PDE4D: variants seen among roughly 807,000 people sequenced by gnomAD.
PDE4D encodes phosphodiesterase 4D.
In PDE4D, 24 loss-of-function variants were observed where a neutral mutation model predicts 87.4. That is an observed-to-expected ratio of 0.27 (90% confidence interval 0.20 to 0.39). PDE4D has a LOEUF of 0.39. Ranked by LOEUF, PDE4D falls within the 10% of genes least tolerant of loss-of-function variation. The pLI, the probability that PDE4D is intolerant of heterozygous loss-of-function variation, is 1.00. For synonymous variants in PDE4D, 384 were observed against 383.2 expected, an observed-to-expected ratio of 1.00 and a Z score of -0.02; for missense variants, 714 against 1,041.0, an observed-to-expected ratio of 0.69 and a Z score of 4.32.
chr5:59,670,083 G>A (rs1159319962), intron 1 of PDE4D, among the ~76,000 whole-genome samples: 1 of 152,144 alleles, frequency 6.6e-6, no homozygotes, highest in Non-Finnish European at 1.5e-5. Context: ...CAGTGGGAGT[G>A]TTGATAGAAT....
intron 5 of PDE4D, among the ~76,000 whole-genome samples, chr5:59,048,229 G>T (rs1205397858): frequency 1.3e-5 from 2 of 152,150 alleles, no homozygotes; most frequent in African/African-American, 4.8e-5. Context: ...TTGCAAACAG[G>T]TTTAAAAAAA....
chr5:60,416,609 C>T (rs142666223), intron 1 of PDE4D, among the ~76,000 whole-genome samples: 1 of 152,182 alleles, frequency 6.6e-6, no homozygotes, highest in African/African-American at 2.4e-5. Context: ...CCGAACACAT[C>T]CGAACATCAG....
chr5:59,897,754 T>G (rs1751813457), upstream of PDE4D, among the ~76,000 whole-genome samples: 2 of 152,172 alleles, frequency 1.3e-5, no homozygotes, highest in African/African-American at 4.8e-5. Flanking sequence ...CTACTTCATT[T>G]GTAAAGATGG....
At chr5:59,072,370 C>T (rs1166880426) in intron 5 of PDE4D, among the ~76,000 whole-genome samples, 1 of 152,072 alleles carries the variant, frequency 6.6e-6, no homozygotes, top group Non-Finnish European at 1.5e-5. Context: ...ATTTGGCAGC[C>T]TCTATTCTAG....
chr5:59,268,508 G>A (rs2153539664), intron 1 of PDE4D, among the ~76,000 whole-genome samples: 3 of 152,032 alleles, frequency 2.0e-5, no homozygotes, highest in African/African-American at 7.2e-5. Flanking sequence ...CTTCCCATAG[G>A]CACCAATCCC....
At chr5:60,509,598 C>T (rs181678731) in intron 1 of PDE4D, among the ~76,000 whole-genome samples, 1 of 152,230 alleles carries the variant, frequency 6.6e-6, no homozygotes, top group East Asian at 1.9e-4. Context: ...TTTTTTCTCT[C>T]ATTTCATCTT....
intron 2 of PDE4D, among the ~76,000 whole-genome samples, chr5:60,165,647 T>C (rs1408761476): frequency 3.3e-5 from 5 of 151,052 alleles, no homozygotes; most frequent in African/African-American, 1.2e-4. Flanking sequence ...GAACATGAAA[T>C]ATCTTTCTAT....
intron 1 of PDE4D, among the ~76,000 whole-genome samples, chr5:59,272,975 T>A (rs754005954): frequency 1.3e-5 from 2 of 152,080 alleles, no homozygotes; most frequent in African/African-American, 4.8e-5. Context: ...CTTTAGGGAA[T>A]CCCGGAGGAC....
At chr5:59,813,445 T>TAC (rs35313403) in intron 1 of PDE4D, among the ~76,000 whole-genome samples, 11,532 of 143,068 alleles carry the variant, frequency 0.081, 488 homozygotes, top group Non-Finnish European at 0.1. Context: ...CATACACTTG[T>TAC]ACACACACAC....
chr5:59,333,843 T>C (rs1331626367), intron 1 of PDE4D, among the ~76,000 whole-genome samples: 2 of 152,086 alleles, frequency 1.3e-5, no homozygotes, highest in Non-Finnish European at 2.9e-5. Context: ...ATATCCTAAT[T>C]ATATTTCATA....
At chr5:60,190,760 C>G (rs1231518958) in intron 1 of PDE4D, among the ~76,000 whole-genome samples, 2 of 152,140 alleles carry the variant, frequency 1.3e-5, no homozygotes, top group African/African-American at 4.8e-5. Context: ...TGTAGTCTTC[C>G]CAGCACAGTT....
At chr5:59,170,884 T>A (rs896527056) in intron 5 of PDE4D, among the ~76,000 whole-genome samples, 1 of 150,700 alleles carries the variant, frequency 6.6e-6, no homozygotes, top group Non-Finnish European at 1.5e-5. Flanking sequence ...ACTTTCACTT[T>A]TTTTTTTTTT....
chr5:59,275,584 G>T, intron 1 of PDE4D: 1 of 1,374,694 alleles, frequency 7.3e-7, no homozygotes, highest in Non-Finnish European at 9.4e-7. Flanking sequence ...GTTCTAACAC[G>T]CAGGAGCGCT....
At chr5:60,065,651 T>C (rs1012888303) in intron 2 of PDE4D, among the ~76,000 whole-genome samples, 3 of 152,050 alleles carry the variant, frequency 2.0e-5, no homozygotes, top group African/African-American at 7.2e-5. Flanking sequence ...TGTGTTCTCA[T>C]TGTTCAATTC....
intron 2 of PDE4D, among the ~76,000 whole-genome samples, chr5:60,164,932 T>A (rs1266906653): frequency 2.0e-5 from 3 of 152,192 alleles, no homozygotes; most frequent in Non-Finnish European, 4.4e-5. Context: ...CATTTCTCAA[T>A]AATACAATAT....
At chr5:59,232,811 C>CGTAT (rs1554104755) in intron 1 of PDE4D, among the ~76,000 whole-genome samples, 15 of 143,508 alleles carry the variant, frequency 1.0e-4, no homozygotes, top group African/African-American at 3.7e-4. Context: ...AGAGAAAATA[C>CGTAT]ATATATATAT....
intron 3 of PDE4D, among the ~76,000 whole-genome samples, chr5:59,985,611 T>A (rs1762383528): frequency 6.6e-6 from 1 of 152,254 alleles, no homozygotes; most frequent in Non-Finnish European, 1.5e-5. Context: ...CATTATTGTC[T>A]ATTGTTTCTT....
At chr5:60,137,542 A>G (rs1186827686) in intron 2 of PDE4D, among the ~76,000 whole-genome samples, 1 of 151,864 alleles carries the variant, frequency 6.6e-6, no homozygotes, top group East Asian at 1.9e-4. Context: ...TTCTCTAAAG[A>G]TCAGTGATTT....
intron 1 of PDE4D, among the ~76,000 whole-genome samples, chr5:59,295,132 G>A (rs371650653): frequency 7.9e-5 from 12 of 152,092 alleles, no homozygotes; most frequent in South Asian, 2.1e-4. Flanking sequence ...TTGACAAAGC[G>A]TCCATGAACC....
Sources: allele counts gnomAD v4.1 joint callset (sites outside exome capture counted in the v4.1 genomes callset), GRCh38; gene constraint gnomAD v4.1.1; transcripts MANE v1.5; gene names NCBI Gene and HGNC (gene_info 2026-07-23, HGNC 2026-07-21).